Variants in LRBA observed in about 807,000 individuals in gnomAD.
The protein encoded by LRBA is lipopolysaccharide-responsive and beige-like anchor protein.
A neutral mutation model predicts 330.0 loss-of-function variants in LRBA; 176 were observed. The ratio of observed to expected loss-of-function variants is 0.53; its 90% CI spans 0.47 to 0.60. LRBA has a LOEUF of 0.60. Ranked by LOEUF, LRBA falls within the 20% of genes least tolerant of loss-of-function variation. The pLI, the probability that LRBA is intolerant of heterozygous loss-of-function variation, is 0.00. For synonymous variants in LRBA, 1,230 were observed against 1,193.0 expected (o/e 1.03, Z -0.64); for missense variants, 3,259 against 3,444.8 (o/e 0.95, Z 1.35).
At chr4:150,973,752 C>T (rs775135691) in intron 2 of LRBA, among the ~76,000 whole-genome samples, 10 of 152,062 alleles carry the variant, frequency 6.6e-5, no homozygotes, top group African/African-American at 1.4e-4. Context: ...CAGCACTTCA[C>T]GAGGCTGAAG....
chr4:150,563,017 G>C (rs1768575913), intron 40 of LRBA, among the ~76,000 whole-genome samples: 1 of 152,072 alleles, frequency 6.6e-6, no homozygotes, highest in African/African-American at 2.4e-5. Flanking sequence ...CCCAGACTGG[G>C]TTACTCAGGG....
intron 34 of LRBA, among the ~76,000 whole-genome samples, chr4:150,778,346 T>C (rs1339941773): frequency 6.6e-6 from 1 of 152,168 alleles, no homozygotes; most frequent in Non-Finnish European, 1.5e-5. Context: ...AAAGTAACTA[T>C]TCATGGCATT....
intron 44 of LRBA, among the ~76,000 whole-genome samples, chr4:150,460,463 C>T (rs1754630758): frequency 6.6e-6 from 1 of 151,798 alleles, no homozygotes; most frequent in South Asian, 2.1e-4. Flanking sequence ...AGAATCTACT[C>T]TTTAGAACTA....
In LRBA at chr4:150,714,506, A is replaced by G. The variant is rs142389550; in HGVS notation, c.5754+20752T>C. 1.6e-4 allele frequency among the ~76,000 whole-genome samples: 25 copies of G among 152,264 alleles called. 1 individual carries two copies. Among genetic ancestry groups the G allele is most frequent in the African/African-American group, 4.6e-4 (19 of 41,584 alleles). ...ATAACTGAAGTAATTACAAGAAAAGATTCCAATCTAACTAAAATTTTATAT... is the reference window on the plus strand; with the variant it reads ...ATAACTGAAGTAATTACAAGAAAAGGTTCCAATCTAACTAAAATTTTATAT... On this transcript the variant is annotated intron_variant, in intron 36 of 56. Transcript: ENST00000651943.
intron 28 of LRBA, among the ~76,000 whole-genome samples, chr4:150,839,486 C>A (rs1184507865): frequency 5.3e-5 from 8 of 152,138 alleles, no homozygotes; most frequent in Non-Finnish European, 1.2e-4. Flanking sequence ...TGGAACCAAT[C>A]CAAATGTCCA....
At chr4:150,857,508 C>T (rs1004685822) in intron 22 of LRBA, among the ~76,000 whole-genome samples, 1 of 152,106 alleles carries the variant, frequency 6.6e-6, no homozygotes, top group South Asian at 2.1e-4. Flanking sequence ...GCAAATCTAG[C>T]GTATAAACTG....
intron 37 of LRBA, among the ~76,000 whole-genome samples, chr4:150,642,953 A>C (rs1778819986): frequency 6.6e-6 from 1 of 151,964 alleles, no homozygotes; most frequent in Non-Finnish European, 1.5e-5. Context: ...TGTAGCTTTA[A>C]CATGACACTT....
chr4:150,825,863 T>A (rs573474917), intron 30 of LRBA, among the ~76,000 whole-genome samples: 27 of 152,288 alleles, frequency 1.8e-4, no homozygotes, highest in African/African-American at 6.5e-4. Context: ...GATTGAGGTC[T>A]GTAGCTATGG....
chr4:150,799,869 C>T (rs941614608), intron 33 of LRBA, among the ~76,000 whole-genome samples: 1 of 152,136 alleles, frequency 6.6e-6, no homozygotes, highest in Non-Finnish European at 1.5e-5. Flanking sequence ...CTCAGCCACC[C>T]GAGTAGCTGG....
At chr4:150,286,801 G>C (rs1245047074) in intron 53 of LRBA, among the ~76,000 whole-genome samples, 1 of 152,110 alleles carries the variant, frequency 6.6e-6, no homozygotes, top group Non-Finnish European at 1.5e-5. Flanking sequence ...AAACTAAAAA[G>C]AAAACGTATG....
intron 34 of LRBA, among the ~76,000 whole-genome samples, chr4:150,780,865 G>C (rs1391259232): frequency 6.6e-6 from 1 of 151,638 alleles, no homozygotes; most frequent in Non-Finnish European, 1.5e-5. Context: ...CATTTATCGT[G>C]CATTTTATTT....
At chr4:150,602,962 T>C (rs1308787912) in intron 37 of LRBA, among the ~76,000 whole-genome samples, 1 of 152,188 alleles carries the variant, frequency 6.6e-6, no homozygotes, top group Middle Eastern at 3.2e-3. Flanking sequence ...TCACATTATA[T>C]ACCTATACCT....
intron 40 of LRBA, among the ~76,000 whole-genome samples, chr4:150,500,772 T>C (rs1760164372): frequency 6.6e-6 from 1 of 152,198 alleles, no homozygotes; most frequent in Non-Finnish European, 1.5e-5. Context: ...TTGAAGAAAT[T>C]TGCTTTTGTT....
rs1582033187 is a variant in LRBA at position 150,683,459 on chromosome 4, T to C, written c.5921+92A>G. 4.1e-6 allele frequency: 4 copies of C among 967,130 alleles called. No homozygotes were observed. The East Asian group carries it at 9.6e-5, about 23-fold the overall frequency. 59.9% of individuals were successfully genotyped at this position (967,130 alleles called of 1,614,324 possible). A position where few individuals can be genotyped will look rare whatever the true frequency, so the allele number is the denominator to read the frequency against. ...AAGACAAAATTAAATTACTCTCTTC[T>C]TCATCTGGCTTTGATCATATCCAAA... On this transcript the variant is annotated intron_variant, in intron 37 of 56. Transcript: ENST00000651943.
intron 34 of LRBA, among the ~76,000 whole-genome samples, chr4:150,777,465 G>A (rs1396411660): frequency 6.6e-6 from 1 of 152,050 alleles, no homozygotes; most frequent in African/African-American, 2.4e-5. Context: ...TAAAGGTTTA[G>A]GTTCTTCAAT....
rs755373718 is a variant in LRBA at position 150,900,037 on chromosome 4, GAAATTATATACCT to G, written c.1923_1924+11del. On this transcript the variant is annotated splice_donor_variant and splice_donor_5th_base_variant and coding_sequence_variant and intron_variant, in exon 14 of 57. Coordinates refer to ENST00000651943, the MANE Select transcript of LRBA (RefSeq NM_001364905.1). LOFTEE classifies it high-confidence loss of function. ...ATTTGTGTAAAGTAATATACAGACA[GAAATTATATACCT>G]AATCCTTTTGGGGTGATACCACTTC... The G allele has an allele frequency of 2.4e-5, 39 of 1,594,158 alleles. No homozygotes were observed. The highest frequency in any genetic ancestry group is 2.9e-5 in the Non-Finnish European group (34 of 1,167,446).
intron 46 of LRBA, among the ~76,000 whole-genome samples, chr4:150,424,180 T>C (rs1189255712): frequency 6.6e-6 from 1 of 152,182 alleles, no homozygotes; most frequent in Non-Finnish European, 1.5e-5. Flanking sequence ...TTACATATAG[T>C]ATGAAGAACA....
At chr4:150,661,269 A>G (rs1226233506) in intron 37 of LRBA, among the ~76,000 whole-genome samples, 2 of 151,540 alleles carry the variant, frequency 1.3e-5, no homozygotes, top group African/African-American at 2.4e-5. Flanking sequence ...TCAGGAGTTC[A>G]TGACCAGCCC....
Position 150,321,386 on chromosome 4 carries a change from G to A in LRBA, c.7453-18C>T. On this transcript the variant is annotated intron_variant, in intron 49 of 56. Coordinates refer to ENST00000651943, the MANE Select transcript of LRBA (RefSeq NM_001364905.1). The surrounding 1 kb of genome is among the most constrained non-coding windows in gnomAD (Gnocchi z 4.5). ...AATGGACTCTGCAGGAGGAGATACTGTTGAGTGGGCATGACAAGACCCAAA... is the reference window on the plus strand; with the variant it reads ...AATGGACTCTGCAGGAGGAGATACTATTGAGTGGGCATGACAAGACCCAAA... 1 of 1,553,246 alleles carries A rather than the reference G, an allele frequency of 6.4e-7. No individual in the cohort carries two copies. Among genetic ancestry groups the A allele is most frequent in the Non-Finnish European group, 8.6e-7 (1 of 1,157,408 alleles).
Sources: gnomAD v4.1 joint callset for allele counts (sites outside exome capture counted in the v4.1 genomes callset) on GRCh38, gnomAD v4.1.1 for gene constraint, Gnocchi (gnomAD v3.1) non-coding constraint, MANE v1.5 for transcripts, NCBI Gene and HGNC (gene_info 2026-07-23, HGNC 2026-07-21) for gene names.